The following ROBO2 variants were observed in gnomAD, a reference collection of about 807,000 sequenced individuals.
ROBO2 encodes the protein roundabout homolog 2.
Under a neutral mutation model 160.8 loss-of-function variants are expected in ROBO2, and 53 were observed. The ratio of observed to expected loss-of-function variants is 0.33; its 90% CI spans 0.26 to 0.41. ROBO2 has a LOEUF of 0.41. ROBO2 is among the 10% of genes least tolerant of loss of function. The pLI, the probability that ROBO2 is intolerant of heterozygous loss-of-function variation, is 1.00. For missense variants in ROBO2, 1,577 were observed against 1,722.4 expected (o/e 0.92, Z 1.49); for synonymous variants, 664 against 611.7 (o/e 1.09, Z -1.26).
At chr3:76,521,079 C>G (rs541314250) in intron 2 of ROBO2, among the ~76,000 whole-genome samples, 1 of 129,292 alleles carries the variant, frequency 7.7e-6, no homozygotes, top group East Asian at 2.3e-4. Context: ...GACAGGGTCT[C>G]CCTCTGTCAT....
At chr3:77,419,955 T>A (rs2077567202) in intron 2 of ROBO2, among the ~76,000 whole-genome samples, 1 of 152,158 alleles carries the variant, frequency 6.6e-6, no homozygotes, top group Admixed American at 6.5e-5. Context: ...ACACCATGCC[T>A]TCTGAATCGA....
chr3:77,574,154 G>A lies in ROBO2; in HGVS notation c.1972-345G>A, dbSNP rs185014545. Among the ~76,000 whole-genome samples, 402 of 152,186 alleles carry A rather than the reference G, an allele frequency of 2.6e-3. 3 individuals are homozygous for A. The highest frequency in any genetic ancestry group is 9.3e-3 in the African/African-American group (385 of 41,562). ...ATTGTTGGATGCAGAAAATGGGTAA[G>A]CAGAGGAGACATAAAGTTAGAGATA... On this transcript the variant is annotated intron_variant, in intron 13 of 25. Transcript: ENST00000461745.
intron 2 of ROBO2, among the ~76,000 whole-genome samples, chr3:76,509,347 G>A (rs1379114574): frequency 3.3e-5 from 5 of 152,132 alleles, no homozygotes; most frequent in African/African-American, 1.2e-4. Flanking sequence ...GCCAGAGAGA[G>A]AGAAAGAGGC....
At position 77,530,729 on chromosome 3, in the gene ROBO2, A is replaced by G. The variant is rs543558509; in HGVS notation, c.934+7827A>G. Among the ~76,000 whole-genome samples, 164 of 152,122 alleles carry G rather than the reference A, an allele frequency of 1.1e-3. 1 individual carries two copies. Among genetic ancestry groups the G allele is most frequent in the Admixed American group, 9.2e-3 (141 of 15,244 alleles). On this transcript the variant is annotated intron_variant, in intron 6 of 25. Coordinates refer to ENST00000461745, the Ensembl canonical transcript of ROBO2. ...TCACTTTAATAATTAAAAATCCACA[A>G]GCCCTTCCTGTGGTTTTGACGTTTT...
chr3:77,013,073 G>T (rs548093365), intron 2 of ROBO2, among the ~76,000 whole-genome samples: 141 of 152,180 alleles, frequency 9.3e-4, no homozygotes, highest in African/African-American at 3.2e-3. Flanking sequence ...GACTCAAGAT[G>T]TATTCATTTA....
chr3:77,628,912 C>A (rs897020534), intron 23 of ROBO2, among the ~76,000 whole-genome samples: 1 of 152,168 alleles, frequency 6.6e-6, no homozygotes, highest in Non-Finnish European at 1.5e-5. Context: ...TCTATCTAGT[C>A]TCTTTGCTCT....
At chr3:76,028,440 A>G (rs1189825251) in intron 2 of ROBO2, among the ~76,000 whole-genome samples, 2 of 151,922 alleles carry the variant, frequency 1.3e-5, no homozygotes, top group Non-Finnish European at 2.9e-5. Context: ...CAGAAATATT[A>G]CCAACCATGT....
intron 2 of ROBO2, among the ~76,000 whole-genome samples, chr3:77,290,148 G>A (rs62249751): frequency 0.011 from 1,628 of 151,762 alleles, 21 homozygotes; most frequent in African/African-American, 0.03. Flanking sequence ...ATGGTTAAAC[G>A]GGTAAGCTGA....
chr3:77,173,367 A>G (rs2079820377), intron 2 of ROBO2, among the ~76,000 whole-genome samples: 2 of 126,092 alleles, frequency 1.6e-5, no homozygotes, highest in African/African-American at 2.7e-5. Context: ...TACCCACATT[A>G]TAATTTTTTT....
At chr3:76,060,167 A>G (rs546642769) in intron 2 of ROBO2, among the ~76,000 whole-genome samples, 7 of 152,286 alleles carry the variant, frequency 4.6e-5, no homozygotes, top group Non-Finnish European at 1.0e-4. Context: ...GACCATAACT[A>G]TAAATCATTT....
At chr3:77,229,665 C>CA (rs71104661) in intron 2 of ROBO2, among the ~76,000 whole-genome samples, 37,844 of 133,678 alleles carry the variant, frequency 0.28, 5,219 homozygotes, top group Middle Eastern at 0.38. Flanking sequence ...AGACTGTCTC[C>CA]AAAAAAAAAA....
chr3:77,596,793 CTCTT>C, intron 19 of ROBO2, 43 bp downstream of exon 20: 1 of 1,508,900 alleles, frequency 6.6e-7, no homozygotes, highest in Non-Finnish European at 8.8e-7. Context: ...AGTTCTCTCT[CTCTT>C]TTTTTTTTTT....
intron 2 of ROBO2, among the ~76,000 whole-genome samples, chr3:76,753,352 A>G (rs2062131670): frequency 6.6e-6 from 1 of 151,898 alleles, no homozygotes; most frequent in African/African-American, 2.4e-5. Flanking sequence ...ATAATTTTAA[A>G]CATATATAAT....
intron 5 of ROBO2, among the ~76,000 whole-genome samples, chr3:77,516,842 A>G (rs1218540423): frequency 6.6e-6 from 1 of 151,706 alleles, no homozygotes; most frequent in African/African-American, 2.4e-5. Context: ...TTAATCTCTC[A>G]GTACTGCATA....
At chr3:77,484,508 A>AAC (rs60959193) in intron 4 of ROBO2, among the ~76,000 whole-genome samples, 9,123 of 146,768 alleles carry the variant, frequency 0.062, 302 homozygotes, top group Middle Eastern at 0.087. Context: ...CCCCAACACA[A>AAC]ACACACACAC....
At chr3:77,319,216 A>G (rs1053794751) in intron 2 of ROBO2, among the ~76,000 whole-genome samples, 8 of 152,234 alleles carry the variant, frequency 5.3e-5, no homozygotes, top group Non-Finnish European at 1.2e-4. Context: ...ATGAAAGTAA[A>G]AGATAAAGTC....
At chr3:76,235,032 C>T (rs533766207) in intron 2 of ROBO2, among the ~76,000 whole-genome samples, 48 of 152,198 alleles carry the variant, frequency 3.2e-4, no homozygotes, top group South Asian at 1.9e-3. Flanking sequence ...GTCGTGAAAA[C>T]ATTTTGCACT....
chr3:76,637,595 G>C (rs1216954268), intron 2 of ROBO2, among the ~76,000 whole-genome samples: 1 of 151,998 alleles, frequency 6.6e-6, no homozygotes, highest in African/African-American at 2.4e-5. Flanking sequence ...CCACATGCAA[G>C]ATTTTTAATT....
chr3:76,689,968 A>C (rs999076436), intron 2 of ROBO2, among the ~76,000 whole-genome samples: 8 of 152,136 alleles, frequency 5.3e-5, no homozygotes, highest in African/African-American at 1.9e-4. Context: ...CTTGAGAATT[A>C]ACCTGGTCGT....
Sources: gnomAD v4.1 joint callset for allele counts (sites outside exome capture counted in the v4.1 genomes callset) on GRCh38, gnomAD v4.1.1 for gene constraint, MANE v1.5 for transcripts, NCBI Gene and HGNC (gene_info 2026-07-23, HGNC 2026-07-21) for gene names.